MMP16: variants seen among roughly 807,000 people sequenced by gnomAD.
MMP16 encodes matrix metallopeptidase 16.
Under a neutral mutation model 67.8 loss-of-function variants are expected in MMP16, and 12 were observed. That is an observed-to-expected ratio of 0.18 (90% CI 0.11 to 0.29). The LOEUF is 0.29. MMP16 is among the 10% of genes least tolerant of loss of function. The pLI, the probability that MMP16 is intolerant of heterozygous loss-of-function variation, is 1.00. For synonymous variants in MMP16, 249 were observed against 255.9 expected, an observed-to-expected ratio of 0.97 and a Z score of 0.26; for missense variants, 475 against 765.7, an observed-to-expected ratio of 0.62 and a Z score of 4.48.
chr8:88,268,683 A>G (rs558771139), intron 1 of MMP16, among the ~76,000 whole-genome samples: 24 of 152,316 alleles, frequency 1.6e-4, no homozygotes, highest in African/African-American at 5.8e-4. Flanking sequence ...CTAGTCTTCC[A>G]AACATTTCAA....
intron 1 of MMP16, among the ~76,000 whole-genome samples, chr8:88,325,279 T>A (rs1173346707): frequency 6.6e-6 from 1 of 152,216 alleles, no homozygotes; most frequent in Non-Finnish European, 1.5e-5. Flanking sequence ...TACAATCTTT[T>A]ATGTTTAGTC....
intron 1 of MMP16, among the ~76,000 whole-genome samples, chr8:88,267,835 A>G (rs1291352986): frequency 2.0e-5 from 3 of 152,224 alleles, no homozygotes; most frequent in Non-Finnish European, 4.4e-5. Flanking sequence ...ATACTTTGAT[A>G]AAGTCCTGTA....
At chr8:88,269,371 CCTTCACAGGGCAACCAAGATAATAT>C (rs1218863689) in intron 1 of MMP16, among the ~76,000 whole-genome samples, 2 of 152,040 alleles carry the variant, frequency 1.3e-5, no homozygotes, top group African/African-American at 4.8e-5. Flanking sequence ...TGGGGTAACA[CCTTCACAGGGCAACCAAGATAATAT>C]CTTCACAGAG....
intron 4 of MMP16, among the ~76,000 whole-genome samples, chr8:88,162,105 C>T (rs1406329782): frequency 6.6e-6 from 1 of 151,886 alleles, no homozygotes; most frequent in African/African-American, 2.4e-5. Flanking sequence ...TTTTGTAATA[C>T]TAACATAGTG....
chr8:88,269,249 T>C (rs1206729055), intron 1 of MMP16, among the ~76,000 whole-genome samples: 3 of 152,152 alleles, frequency 2.0e-5, no homozygotes, highest in Non-Finnish European at 4.4e-5. Flanking sequence ...AATGGCTTTA[T>C]CTAAGGCATG....
At chr8:88,044,610 C>T (rs1367227519) in intron 9 of MMP16, among the ~76,000 whole-genome samples, 1 of 152,060 alleles carries the variant, frequency 6.6e-6, no homozygotes, top group Non-Finnish European at 1.5e-5. Flanking sequence ...TTGAGAAATT[C>T]TAGAAAATAA....
At chr8:88,154,510 A>C (rs926033713) in intron 4 of MMP16, among the ~76,000 whole-genome samples, 10 of 150,986 alleles carry the variant, frequency 6.6e-5, no homozygotes, top group South Asian at 2.1e-4. Flanking sequence ...AATGGGGCAC[A>C]TATACACCAT....
chr8:88,167,575 G>T (rs977250701), intron 4 of MMP16, 94 bp downstream of exon 4: 3 of 1,221,970 alleles, frequency 2.5e-6, no homozygotes. Context: ...AGTAAATTTA[G>T]GATCTATACC....
intron 6 of MMP16, among the ~76,000 whole-genome samples, chr8:88,106,154 C>T (rs1809237496): frequency 6.6e-6 from 1 of 150,612 alleles, no homozygotes; most frequent in Admixed American, 6.6e-5. Flanking sequence ...ACATCACCAC[C>T]CCAGAGACAC....
intron 8 of MMP16, 119 bp from the exon 9 acceptor site, chr8:88,046,903 C>T: frequency 1.9e-6 from 1 of 530,258 alleles, no homozygotes; most frequent in South Asian, 3.0e-5. Context: ...GACTTTGTTA[C>T]CTGTGCACCT....
chr8:88,327,358 G>A lies in MMP16; in HGVS notation c.-152C>T, dbSNP rs1811557924. 1 of 958,614 alleles carries A rather than the reference G, an allele frequency of 1.0e-6. No homozygotes were observed. Among genetic ancestry groups the A allele is most frequent in the Non-Finnish European group, 1.5e-6 (1 of 653,444 alleles). The allele number at this position is 958,614 out of a possible 1,614,324, so 59.4% of individuals were successfully genotyped here. On this transcript the variant is annotated 5_prime_UTR_variant, in exon 1 of 10. Transcript: ENST00000286614. ...ACAGCCGGGCAAGGGGAGGAGACAG[G>A]GGCCCCGCGCTCGGCAGCCCCCGAG...
At position 88,037,966 on chromosome 8, in the gene MMP16, A is replaced by G. The variant is rs1721859152; in HGVS notation, c.*3495T>C. ...TGTTATTAGTGATGGGGTGATGAAA[A>G]TATTTTATGCCTTGCATATCTCTAG... On this transcript the variant is annotated 3_prime_UTR_variant, in exon 10 of 10. Transcript: ENST00000286614. 6.6e-6 allele frequency: 1 copy of G among 151,988 alleles called. No homozygotes were observed. Among genetic ancestry groups the G allele is most frequent in the South Asian group, 2.1e-4 (1 of 4,826 alleles). The allele number at this position is 151,988 out of a possible 1,614,324, so 9.4% of individuals were successfully genotyped here. A position where few individuals can be genotyped will look rare whatever the true frequency, so the allele number is the denominator to read the frequency against.
At chr8:88,194,173 C>G (rs1168423828) in intron 2 of MMP16, among the ~76,000 whole-genome samples, 1 of 151,888 alleles carries the variant, frequency 6.6e-6, no homozygotes, top group Admixed American at 6.6e-5. Context: ...GTCATCATTA[C>G]TTTTAATTAC....
At chr8:88,113,943 A>C (rs1383566841) in intron 6 of MMP16, among the ~76,000 whole-genome samples, 1 of 151,982 alleles carries the variant, frequency 6.6e-6, no homozygotes, top group Non-Finnish European at 1.5e-5. Flanking sequence ...TTTTCTTTTG[A>C]AACTTTTCTC....
chr8:88,121,158 C>G (rs1807823585), intron 4 of MMP16, among the ~76,000 whole-genome samples: 1 of 148,560 alleles, frequency 6.7e-6, no homozygotes, highest in Admixed American at 6.8e-5. Context: ...CAGGTCATAA[C>G]AGCCAAAGCC....
intron 1 of MMP16, among the ~76,000 whole-genome samples, chr8:88,260,871 T>G (rs1467249): frequency 6.6e-6 from 1 of 152,022 alleles, no homozygotes; most frequent in African/African-American, 2.4e-5. Context: ...CTATAAATAC[T>G]TTAGAGAAGT....
intron 1 of MMP16, among the ~76,000 whole-genome samples, chr8:88,322,399 A>T (rs1267680544): frequency 1.3e-5 from 2 of 152,238 alleles, no homozygotes; most frequent in Non-Finnish European, 1.5e-5. Context: ...TCAGTACATT[A>T]TATTTTTAAT....
intron 1 of MMP16, among the ~76,000 whole-genome samples, chr8:88,289,169 AAG>A (rs1328934437): frequency 6.6e-6 from 1 of 152,062 alleles, no homozygotes; most frequent in African/African-American, 2.4e-5. Flanking sequence ...GAGAGAGAGA[AAG>A]AGAGTGTGAG....
chr8:88,129,824 GACAA>G (rs1807997311), intron 4 of MMP16, among the ~76,000 whole-genome samples: 1 of 151,360 alleles, frequency 6.6e-6, no homozygotes, highest in African/African-American at 2.4e-5. Flanking sequence ...AAAATTCATA[GACAA>G]ACAAAAATTG....
Sources: allele counts gnomAD v4.1 joint callset (sites outside exome capture counted in the v4.1 genomes callset), GRCh38; gene constraint gnomAD v4.1.1; transcripts MANE v1.5; gene names NCBI Gene and HGNC (gene_info 2026-07-23, HGNC 2026-07-21).